DVL3: variants seen among roughly 807,000 people sequenced by gnomAD.
DVL3 encodes segment polarity protein dishevelled homolog DVL-3.
DVL3 carries 27 observed loss-of-function variants against 67.4 expected under a neutral mutation model. The observed-to-expected ratio is 0.40, with a 90% CI of 0.30 to 0.55. The LOEUF (loss-of-function observed/expected upper bound fraction) is 0.55. DVL3 is among the 20% of genes least tolerant of loss of function. The pLI, the probability that DVL3 is intolerant of heterozygous loss-of-function variation, is 0.46. For missense variants in DVL3, 819 were observed against 1,021.5 expected, an observed-to-expected ratio of 0.80 and a Z score of 2.70; for synonymous variants, 369 against 396.8, an observed-to-expected ratio of 0.93 and a Z score of 0.83.
In DVL3 at chr3:184,164,167, G is replaced by T. The variant is rs1714477465; in HGVS notation, c.232-100G>T. On this transcript the variant is annotated intron_variant, in intron 2 of 14. Coordinates refer to ENST00000313143, the MANE Select transcript of DVL3 (RefSeq NM_004423.4). The surrounding 1 kb of genome is among the most constrained non-coding windows in gnomAD (Gnocchi z 5.3). Reference sequence around the variant, plus strand: ...TGTCTTTTCTCCCTCGATATTTCCTGCTTCCTTCCTCTTAGGCCTTCATGC... The same window carrying T: ...TGTCTTTTCTCCCTCGATATTTCCTTCTTCCTTCCTCTTAGGCCTTCATGC... The T allele has an allele frequency of 7.1e-7, 1 of 1,404,064 alleles. No individual in the cohort carries two copies. Among genetic ancestry groups the T allele is most frequent in the Non-Finnish European group, 9.8e-7 (1 of 1,019,564 alleles). The allele number at this position is 1,404,064 out of a possible 1,614,324, so 87.0% of individuals were successfully genotyped here.
In DVL3 at chr3:184,170,591, G is replaced by A. The variant is rs773837677; in HGVS notation, c.1987G>A (p.Gly663Ser). 2 of 1,573,444 alleles carry A rather than the reference G, an allele frequency of 1.3e-6. No individual in the cohort carries two copies. The highest frequency in any genetic ancestry group is 4.7e-5 in the East Asian group (2 of 42,214). The change falls in exon 15 of 15, where the codon GGC becomes AGC. Residue 663 changes from glycine (G) to serine (S), a missense_variant. Physicochemically the swap from Gly to Ser is moderately conservative, Grantham distance 56. Around this residue, in one of 3 missense-constraint regions of DVL3, gnomAD observed 324 missense variants for 331.3 expected, o/e 0.98. Transcript: ENST00000313143. The surrounding 1 kb of genome is among the most constrained non-coding windows in gnomAD (Gnocchi z 6.5). ...YGPPGVPPLY[G>S]PPMLMMPPPP... ...TCCTCCCGGAGTGCCCCCTCTCTAC[G>A]GCCCCCCCATGCTGATGATGCCCCC...
chr3:184,164,660 C>T lies in DVL3; in HGVS notation c.463+59C>T. The T allele has an allele frequency of 1.3e-6, 2 of 1,551,414 alleles. No homozygotes were observed. The highest frequency in any genetic ancestry group is 1.4e-5 in the African/African-American group (1 of 73,652). On this transcript the variant is annotated intron_variant, in intron 4 of 14. Coordinates refer to ENST00000313143, the MANE Select transcript of DVL3 (RefSeq NM_004423.4). The surrounding 1 kb of genome is among the most constrained non-coding windows in gnomAD (Gnocchi z 5.3). The stretch of plus-strand genomic sequence containing the variant: ...CTCACACCCTCCCCTCACTTTCCAC[C>T]CAGCTACCCACCTTCTTGCCCTACT...
rs1305756700 is a variant in DVL3, at chr3:184,156,293, G to T, written c.161+497G>T. The T allele has an allele frequency of 6.6e-6, 3 of 455,884 alleles. No homozygotes were observed. In the East Asian group the frequency reaches 2.1e-4, roughly 32 times the overall value. The allele number at this position is 455,884 out of a possible 1,614,324, so 28.2% of individuals were successfully genotyped here. A position where few individuals can be genotyped will look rare whatever the true frequency, so the allele number is the denominator to read the frequency against. On this transcript the variant is annotated intron_variant, in intron 1 of 14. Transcript: ENST00000313143. ...GGCTCTGCTGGGACTTTGAGCTGGG[G>T]GAGGGGTGTCGGGGGTGCTCGGGCG...
chr3:184,170,605 G>A lies in DVL3; in HGVS notation c.2001G>A (p.Leu667=). Residue 667 remains leucine (L), a synonymous_variant, in exon 15 of 15, where the codon CTG becomes CTA. Transcript: ENST00000313143. This position sits in a 1 kb window ranked among gnomAD's most constrained non-coding sequence, Gnocchi z 6.5. ...CCCCTCTCTACGGCCCCCCCATGCTGATGATGCCCCCGCCGCCCGCGGCCA... is the reference window on the plus strand; with the variant it reads ...CCCCTCTCTACGGCCCCCCCATGCTAATGATGCCCCCGCCGCCCGCGGCCA... ...GVPPLYGPPM[L]MMPPPPAAMG... 6.3e-7 allele frequency: 1 copy of A among 1,591,334 alleles called. No individual in the cohort carries two copies. Among genetic ancestry groups the A allele is most frequent in the Non-Finnish European group, 8.5e-7 (1 of 1,170,328 alleles).
Position 184,164,831 on chromosome 3 carries a change from C to T in DVL3, c.499C>T (p.Arg167Trp), listed in dbSNP as rs776529678. 5.6e-6 allele frequency: 9 copies of T among 1,614,072 alleles called. No homozygotes were observed. Among genetic ancestry groups the T allele is most frequent in the East Asian group, 2.2e-5 (1 of 44,878 alleles). The change falls in exon 5 of 15, where the codon CGG becomes TGG. Residue 167 changes from arginine to tryptophan, a missense_variant. Physicochemically the swap from Arg to Trp is moderately radical, Grantham distance 101 (BLOSUM62 -3). Transcript: ENST00000313143. The surrounding 1 kb of genome is among the most constrained non-coding windows in gnomAD (Gnocchi z 5.3). ...AAATGGAACTGCGAAGGGGGAACGG[C>T]GGCGAGAACCAGGGGGTTATGATAG... is the stretch of plus-strand genomic sequence containing the variant. ...RLNGTAKGER[R>W]REPGGYDSSS...
Position 184,165,267 on chromosome 3 carries a change from G to GC in DVL3, c.693+63dup. ...AGATTGTGAGCCCTTCCTACGCAGG[G>GC]CCAAGGCTTGTTCTTCCTTAGATCC... On this transcript the variant is annotated intron_variant, in intron 6 of 14. Transcript: ENST00000313143. This position sits in a 1 kb window ranked among gnomAD's most constrained non-coding sequence, Gnocchi z 4.1. 1 of 1,552,270 alleles carries GC rather than the reference G, an allele frequency of 6.4e-7. No individual in the cohort carries two copies. The highest frequency in any genetic ancestry group is 8.8e-7 in the Non-Finnish European group (1 of 1,141,882).
Position 184,164,657 on chromosome 3 carries a change from C to A in DVL3, c.463+56C>A. On this transcript the variant is annotated intron_variant, in intron 4 of 14. Coordinates refer to ENST00000313143, the MANE Select transcript of DVL3 (RefSeq NM_004423.4). This position sits in a 1 kb window ranked among gnomAD's most constrained non-coding sequence, Gnocchi z 5.3. ...CACCTCACACCCTCCCCTCACTTTC[C>A]ACCCAGCTACCCACCTTCTTGCCCT... 6.4e-7 allele frequency: 1 copy of A among 1,551,288 alleles called. No homozygotes were observed. The highest frequency in any genetic ancestry group is 8.7e-7 in the Non-Finnish European group (1 of 1,143,936).
Position 184,164,449 on chromosome 3 carries a change from GC to G in DVL3, c.354-38del. On this transcript the variant is annotated intron_variant, in intron 3 of 14. Transcript: ENST00000313143. The surrounding 1 kb of genome is among the most constrained non-coding windows in gnomAD (Gnocchi z 5.3). ...GTTCAGCCCAGGGCTGGGGGAGGGA[GC>G]CCCCAGCCTGCCCCCTCCCCCATCA... The G allele has an allele frequency of 6.3e-7, 1 of 1,595,714 alleles. No homozygotes were observed. The highest frequency in any genetic ancestry group is 8.5e-7 in the Non-Finnish European group (1 of 1,170,376).
At chr3:184,159,971 G>A (rs375088274) in intron 1 of DVL3, among the ~76,000 whole-genome samples, 6 of 150,646 alleles carry the variant, frequency 4.0e-5, no homozygotes, top group Admixed American at 1.3e-4. Context: ...AGGGAGTCTC[G>A]CTGTGTCGCC....
rs1021670091 is a variant in DVL3 at position 184,170,897 on chromosome 3, G to A, written c.*142G>A. On this transcript the variant is annotated 3_prime_UTR_variant, in exon 15 of 15. Transcript: ENST00000313143. The surrounding 1 kb of genome is among the most constrained non-coding windows in gnomAD (Gnocchi z 6.5). ...ATCCAGGTGCGCTAACTGCTCGCAG[G>A]GTGCTGCGAGGGTGGGGTGCACCTA... The A allele has an allele frequency of 5.8e-6, 9 of 1,546,432 alleles. No homozygotes were observed. The highest frequency in any genetic ancestry group is 3.9e-5 in the Admixed American group (2 of 50,958).
Position 184,155,694 on chromosome 3 carries a change from A to G in DVL3, c.59A>G (p.Lys20Arg). 6.2e-7 allele frequency: 1 copy of G among 1,612,882 alleles called. No individual in the cohort carries two copies. The highest frequency in any genetic ancestry group is 2.2e-5 in the East Asian group (1 of 44,728). The stretch of plus-strand genomic sequence containing the variant: ...GGGCAGGAGACGCCGTACCTTGTGA[A>G]GCTGCCCCTGCCCGCCGAGCGCGTC... ...LDGQETPYLV[K>R]LPLPAERVTL... The change falls in exon 1 of 15, where the codon AAG becomes AGG. Residue 20 changes from lysine (K) to arginine (R), a missense_variant. Lys to Arg is a conservative substitution (Grantham distance 26). Transcript: ENST00000313143. This position sits in a 1 kb window ranked among gnomAD's most constrained non-coding sequence, Gnocchi z 5.4.
chr3:184,165,105 C>T lies in DVL3; in HGVS notation c.600-8C>T. On this transcript the variant is annotated splice_polypyrimidine_tract_variant and splice_region_variant and intron_variant, in intron 5 of 14. Transcript: ENST00000313143. The surrounding 1 kb of genome is among the most constrained non-coding windows in gnomAD (Gnocchi z 4.1). Reference sequence around the variant, plus strand: ...CAGCCTGGTGGGGAACGACTGTGGGCCCCACAGGTTCAGCAGCTCCACAGA... The same window carrying T: ...CAGCCTGGTGGGGAACGACTGTGGGTCCCACAGGTTCAGCAGCTCCACAGA... 6.2e-7 allele frequency: 1 copy of T among 1,613,894 alleles called. No homozygotes were observed. Among genetic ancestry groups the T allele is most frequent in the South Asian group, 1.1e-5 (1 of 91,028 alleles).
chr3:184,157,822 T>A (rs757182959), intron 1 of DVL3, among the ~76,000 whole-genome samples: 6 of 152,210 alleles, frequency 3.9e-5, no homozygotes, highest in Non-Finnish European at 7.3e-5. Flanking sequence ...ATGGATTCTG[T>A]TTGTATCCCC....
chr3:184,157,898 C>CAT (rs1032564946), intron 1 of DVL3, among the ~76,000 whole-genome samples: 124 of 152,280 alleles, frequency 8.1e-4, no homozygotes, highest in Non-Finnish European at 3.7e-4. Context: ...AGCTGAAGAG[C>CAT]ATATATATAT....
Position 184,171,192 on chromosome 3 carries a change from T to G in DVL3, c.*437T>G. On this transcript the variant is annotated 3_prime_UTR_variant, in exon 15 of 15. Transcript: ENST00000313143. ...TCATCCCTCTATTAACCCCACCCCA[T>G]CAGGCACGTGTGCAAACCTCTTGAC... 1 of 1,115,622 alleles carries G rather than the reference T, an allele frequency of 9.0e-7. No homozygotes were observed. The allele number at this position is 1,115,622 out of a possible 1,614,324, so 69.1% of individuals were successfully genotyped here. A position where few individuals can be genotyped will look rare whatever the true frequency, so the allele number is the denominator to read the frequency against.
chr3:184,171,126 C>T lies in DVL3; in HGVS notation c.*371C>T. ...TGGCACGCTCACTCCCTCATTCTCT[C>T]GTTTCCCCTTTAGCTCCCTTTCACC... On this transcript the variant is annotated 3_prime_UTR_variant, in exon 15 of 15. Transcript: ENST00000313143. 3.3e-6 allele frequency: 4 copies of T among 1,194,106 alleles called. No individual in the cohort carries two copies. The highest frequency in any genetic ancestry group is 4.2e-6 in the Non-Finnish European group (4 of 951,746). The allele number at this position is 1,194,106 out of a possible 1,614,324, so 74.0% of individuals were successfully genotyped here. A position where few individuals can be genotyped will look rare whatever the true frequency, so the allele number is the denominator to read the frequency against.
chr3:184,164,020 G>A lies in DVL3; in HGVS notation c.232-247G>A, dbSNP rs1216049006. 6.6e-6 allele frequency among the ~76,000 whole-genome samples: 1 copy of A among 152,052 alleles called. No individual in the cohort carries two copies. Among genetic ancestry groups the A allele is most frequent in the Non-Finnish European group, 1.5e-5 (1 of 68,028 alleles). The stretch of plus-strand genomic sequence containing the variant: ...CTGCCATCTGCTCATCTCTGCCTTA[G>A]ACCTCTGAGCCTTGTTCTTTGTCCC... On this transcript the variant is annotated intron_variant, in intron 2 of 14. Coordinates refer to ENST00000313143, the MANE Select transcript of DVL3 (RefSeq NM_004423.4). The surrounding 1 kb of genome is among the most constrained non-coding windows in gnomAD (Gnocchi z 5.3).
chr3:184,156,657 G>A (rs1249664883), intron 1 of DVL3: 1 of 352,958 alleles, frequency 2.8e-6, no homozygotes, highest in Non-Finnish European at 5.6e-6. Context: ...CTTTAAGAGG[G>A]GATGGAATGT....
At position 184,164,775 on chromosome 3, in the gene DVL3, A is replaced by C; in HGVS notation, c.464-21A>C. 6.2e-7 allele frequency: 1 copy of C among 1,613,986 alleles called. No individual in the cohort carries two copies. The highest frequency in any genetic ancestry group is 8.5e-7 in the Non-Finnish European group (1 of 1,179,976). On this transcript the variant is annotated intron_variant, in intron 4 of 14. Coordinates refer to ENST00000313143, the MANE Select transcript of DVL3 (RefSeq NM_004423.4). This position sits in a 1 kb window ranked among gnomAD's most constrained non-coding sequence, Gnocchi z 5.3. Reference sequence around the variant, plus strand: ...CCTGCACTGGGCACTGTGTAAACCCAACTGCTTCCATCCCCTGCAGCAACC... The same window carrying C: ...CCTGCACTGGGCACTGTGTAAACCCCACTGCTTCCATCCCCTGCAGCAACC...
Sources: gnomAD v4.1 joint callset for allele counts (sites outside exome capture counted in the v4.1 genomes callset) on GRCh38, gnomAD v4.1.1 for gene constraint, gnomAD v4.1.1 regional missense constraint, Gnocchi (gnomAD v3.1) non-coding constraint, MANE v1.5 for transcripts, NCBI Gene and HGNC (gene_info 2026-07-23, HGNC 2026-07-21) for gene names.